Variants in NBEA observed in about 807,000 individuals in gnomAD.
NBEA encodes the protein lysosomal-trafficking regulator 2.
In NBEA, 44 loss-of-function variants were observed where a neutral mutation model predicts 343.4. That is an observed-to-expected ratio of 0.13 (90% CI 0.10 to 0.16). The LOEUF is 0.16. NBEA is among the 10% of genes least tolerant of loss of function. The pLI is 1.00. For missense variants in NBEA, 2,555 were observed against 3,631.3 expected, an observed-to-expected ratio of 0.70 and a Z score of 7.62; for synonymous variants, 1,175 against 1,238.7, an observed-to-expected ratio of 0.95 and a Z score of 1.08.
At chr13:35,012,588 A>T (rs1332986280) in intron 1 of NBEA, among the ~76,000 whole-genome samples, 1 of 152,190 alleles carries the variant, frequency 6.6e-6, no homozygotes, top group Non-Finnish European at 1.5e-5. Flanking sequence ...TTCCATGCCA[A>T]ATTATGGATT....
At chr13:35,214,967 A>G (rs796241100) in intron 33 of NBEA, among the ~76,000 whole-genome samples, 44 of 151,690 alleles carry the variant, frequency 2.9e-4, no homozygotes, top group African/African-American at 9.9e-4. Context: ...AAATCAATTG[A>G]CCACCTATGT....
At chr13:35,132,542 G>A (rs1026124840) in intron 17 of NBEA, among the ~76,000 whole-genome samples, 1 of 152,170 alleles carries the variant, frequency 6.6e-6, no homozygotes, top group Non-Finnish European at 1.5e-5. Flanking sequence ...AATGTTTTAT[G>A]TCTATACAAT....
At chr13:35,668,043 T>A (rs909688304) in intron 57 of NBEA, among the ~76,000 whole-genome samples, 1 of 152,244 alleles carries the variant, frequency 6.6e-6, no homozygotes, top group African/African-American at 2.4e-5. Context: ...ATAATATTAA[T>A]ATTCAAGATT....
At chr13:35,597,564 G>C (rs909858206) in intron 47 of NBEA, among the ~76,000 whole-genome samples, 2 of 152,082 alleles carry the variant, frequency 1.3e-5, no homozygotes, top group Admixed American at 6.6e-5. Context: ...ACATGTTTTT[G>C]TTGGTTGATA....
chr13:35,258,029 A>G (rs2032817739), intron 34 of NBEA, among the ~76,000 whole-genome samples: 1 of 152,136 alleles, frequency 6.6e-6, no homozygotes, highest in Admixed American at 6.5e-5. Context: ...TGAACTTTAC[A>G]TATAATACAA....
At chr13:35,003,621 A>G (rs942750564) in intron 1 of NBEA, among the ~76,000 whole-genome samples, 28 of 152,128 alleles carry the variant, frequency 1.8e-4, no homozygotes, top group Non-Finnish European at 3.7e-4. Flanking sequence ...AATAATTTAA[A>G]TGGTTTTAAT....
chr13:34,968,662 T>C (rs2059905053), intron 1 of NBEA, among the ~76,000 whole-genome samples: 1 of 152,188 alleles, frequency 6.6e-6, no homozygotes, highest in East Asian at 1.9e-4. Flanking sequence ...TTGCAGACCC[T>C]TGCTTTAGAA....
At chr13:35,355,152 C>T (rs1190076928) in intron 38 of NBEA, among the ~76,000 whole-genome samples, 3 of 152,108 alleles carry the variant, frequency 2.0e-5, no homozygotes, top group Non-Finnish European at 4.4e-5. Flanking sequence ...CTTGGATCAC[C>T]TTAGTCCAAG....
intron 10 of NBEA, among the ~76,000 whole-genome samples, chr13:35,093,171 A>G (rs544427715): frequency 6.6e-6 from 1 of 152,130 alleles, no homozygotes; most frequent in South Asian, 2.1e-4. Context: ...ACTAGAGCCT[A>G]TGGGTATTGA....
intron 1 of NBEA, among the ~76,000 whole-genome samples, chr13:35,032,807 T>C (rs2062285426): frequency 6.6e-6 from 1 of 151,846 alleles, no homozygotes; most frequent in Admixed American, 6.6e-5. Context: ...TATCTTCTTT[T>C]GAGAAATTGC....
intron 1 of NBEA, among the ~76,000 whole-genome samples, chr13:34,981,658 G>T (rs911809054): frequency 6.6e-6 from 1 of 151,652 alleles, no homozygotes; most frequent in African/African-American, 2.4e-5. Flanking sequence ...TAATGTCCTT[G>T]TCAGGTTTTG....
chr13:35,398,139 C>T (rs1341208014), intron 38 of NBEA, among the ~76,000 whole-genome samples: 1 of 152,136 alleles, frequency 6.6e-6, no homozygotes, highest in Non-Finnish European at 1.5e-5. Flanking sequence ...GAGGAAATTC[C>T]ATCTCAAGAA....
At chr13:35,414,848 C>G (rs1260703764) in intron 38 of NBEA, among the ~76,000 whole-genome samples, 4 of 152,184 alleles carry the variant, frequency 2.6e-5, no homozygotes, top group Non-Finnish European at 2.9e-5. Flanking sequence ...GTCCTACCAA[C>G]AGTGTAAAAG....
intron 41 of NBEA, among the ~76,000 whole-genome samples, chr13:35,519,907 ACT>A (rs1360422288): frequency 6.6e-6 from 1 of 151,968 alleles, no homozygotes; most frequent in Non-Finnish European, 1.5e-5. Flanking sequence ...CATTAACCAA[ACT>A]CTCTTTATCC....
Position 35,161,799 on chromosome 13 carries a change from A to G in NBEA, c.3911A>G (p.Asp1304Gly). Reference protein sequence around the residue: ...ITQQDRDLRVDLGFRGMPMTE... With the variant: ...ITQQDRDLRVGLGFRGMPMTE... ...CAACAAGACCGAGATCTCCGAGTTG[A>G]TTTAGGATTTCGAGGAATGCCAATG... Residue 1304 changes from aspartate (D) to glycine (G), a missense_variant, in exon 23 of 59, where the codon GAT becomes GGT. Asp to Gly is a moderately conservative substitution (Grantham distance 94). This residue lies in a region of NBEA where 367 missense variants were observed against 377.5 expected (regional missense o/e 0.97). Coordinates refer to ENST00000379939, the MANE Select transcript of NBEA (RefSeq NM_001385012.1). 6.2e-7 allele frequency: 1 copy of G among 1,612,484 alleles called. No homozygotes were observed. The highest frequency in any genetic ancestry group is 8.5e-7 in the Non-Finnish European group (1 of 1,179,344).
intron 1 of NBEA, among the ~76,000 whole-genome samples, chr13:34,965,791 A>T (rs992799722): frequency 4.6e-5 from 7 of 152,036 alleles, no homozygotes; most frequent in African/African-American, 1.7e-4. Context: ...TAATGCATTA[A>T]ATGTGTATAT....
intron 33 of NBEA, among the ~76,000 whole-genome samples, chr13:35,223,299 A>T (rs980308725): frequency 6.6e-6 from 1 of 152,182 alleles, no homozygotes; most frequent in Non-Finnish European, 1.5e-5. Context: ...CTTGAACTAC[A>T]TTTAAAAGTA....
chr13:35,048,742 G>A, intron 5 of NBEA, 58 bp downstream of exon 5: 2 of 997,700 alleles, frequency 2.0e-6, no homozygotes, highest in Non-Finnish European at 3.0e-6. Context: ...TTCTATAAAT[G>A]TATAGTCTCA....
At chr13:35,502,373 G>T (rs2076920601) in intron 41 of NBEA, among the ~76,000 whole-genome samples, 1 of 152,096 alleles carries the variant, frequency 6.6e-6, no homozygotes, top group African/African-American at 2.4e-5. Context: ...AGGGCATCTG[G>T]AAGGAGATAT....
Sources: allele counts gnomAD v4.1 joint callset (sites outside exome capture counted in the v4.1 genomes callset), GRCh38; gene constraint gnomAD v4.1.1; regional missense constraint gnomAD v4.1.1; transcripts MANE v1.5; gene names NCBI Gene and HGNC (gene_info 2026-07-23, HGNC 2026-07-21).